Variants in CALN1 observed in about 807,000 individuals in gnomAD.
CALN1 encodes calneuron 1.
A neutral mutation model predicts 30.6 loss-of-function variants in CALN1; 17 were observed. That is an observed-to-expected ratio of 0.56 (90% CI 0.38 to 0.83). CALN1 has a LOEUF of 0.83. Among genes scored for constraint, CALN1 ranks in the 40% least tolerant of loss-of-function variants. CALN1 has a pLI of 0.00. For missense variants in CALN1, 291 were observed against 354.9 expected (o/e 0.82, Z 1.45); for synonymous variants, 156 against 131.4 (o/e 1.19, Z -1.28).
chr7:72,212,092 C>T (rs1034822275), intron 3 of CALN1, among the ~76,000 whole-genome samples: 2 of 152,058 alleles, frequency 1.3e-5, no homozygotes, highest in Non-Finnish European at 2.9e-5. Flanking sequence ...GTGACTCATG[C>T]CTGTAATCCC....
At chr7:72,406,054 C>T (rs1011098343) in intron 1 of CALN1, among the ~76,000 whole-genome samples, 1 of 152,208 alleles carries the variant, frequency 6.6e-6, no homozygotes, top group African/African-American at 2.4e-5. Flanking sequence ...ATCGCTCCTG[C>T]TGCTCAGCTG....
chr7:71,960,798 T>C (rs1381006725), intron 5 of CALN1, among the ~76,000 whole-genome samples: 2 of 152,124 alleles, frequency 1.3e-5, no homozygotes, highest in African/African-American at 4.8e-5. Context: ...GGTCGTGATA[T>C]TAAGACTTTT....
intron 2 of CALN1, among the ~76,000 whole-genome samples, chr7:72,397,983 G>A (rs540840165): frequency 3.9e-5 from 6 of 152,266 alleles, no homozygotes; most frequent in African/African-American, 1.2e-4. Flanking sequence ...CATCCTTTTA[G>A]GGCCGATGAG....
At chr7:71,915,970 A>G (rs1239592752) in intron 5 of CALN1, among the ~76,000 whole-genome samples, 1 of 152,184 alleles carries the variant, frequency 6.6e-6, no homozygotes, top group Admixed American at 6.5e-5. Flanking sequence ...CGTTTCTGGA[A>G]ATGACTTAGA....
chr7:72,496,092 T>G, the CALN1 span, among the ~76,000 whole-genome samples: 1 of 152,194 alleles, frequency 6.6e-6, no homozygotes, highest in African/African-American at 2.4e-5. Context: ...AGCTAATTTT[T>G]TGTATTTTTA....
intron 3 of CALN1, among the ~76,000 whole-genome samples, chr7:72,197,077 G>C (rs1287478550): frequency 1.3e-5 from 2 of 151,774 alleles, no homozygotes; most frequent in Non-Finnish European, 2.9e-5. Flanking sequence ...GAGTGAGTTT[G>C]GCCAGAAGTC....
intron 4 of CALN1, among the ~76,000 whole-genome samples, chr7:72,105,529 C>T (rs1186658393): frequency 1.3e-5 from 2 of 151,640 alleles, no homozygotes; most frequent in Non-Finnish European, 1.5e-5. Context: ...GGACCAAGAC[C>T]CTGGTCTTGG....
intron 2 of CALN1, among the ~76,000 whole-genome samples, chr7:72,387,064 T>C (rs998147276): frequency 2.0e-5 from 3 of 151,438 alleles, no homozygotes; most frequent in African/African-American, 7.3e-5. Flanking sequence ...GAGCTAACAG[T>C]TCCCAATGGC....
chr7:71,798,027 G>C, intron 6 of CALN1, among the ~76,000 whole-genome samples: 1 of 151,578 alleles, frequency 6.6e-6, no homozygotes, highest in East Asian at 2.0e-4. Flanking sequence ...AGGACAGAGA[G>C]AGGGAGAGGC....
chr7:72,368,664 T>C (rs1334233296), intron 2 of CALN1, among the ~76,000 whole-genome samples: 1 of 152,106 alleles, frequency 6.6e-6, no homozygotes, highest in African/African-American at 2.4e-5. Context: ...AAGTGATTGA[T>C]ACGCTTTCTC....
chr7:72,486,009 A>G, the CALN1 span, among the ~76,000 whole-genome samples: 2 of 152,106 alleles, frequency 1.3e-5, no homozygotes, highest in Non-Finnish European at 2.9e-5. Flanking sequence ...AGGCTATTTC[A>G]TCGTTATATG....
chr7:72,049,631 C>T lies in CALN1; in HGVS notation c.389-25862G>A, dbSNP rs186173134. Reference sequence around the variant, plus strand: ...CAAGCGATTCTCCTGCCTCAGCCTCCTGAGTAGCTGGGATTACAGGCATGC... The same window carrying T: ...CAAGCGATTCTCCTGCCTCAGCCTCTTGAGTAGCTGGGATTACAGGCATGC... On this transcript the variant is annotated intron_variant, in intron 4 of 6. Transcript: ENST00000395275. Among the ~76,000 whole-genome samples the T allele has an allele frequency of 1.5e-3, 227 of 151,592 alleles. 1 individual carries two copies. Among genetic ancestry groups the T allele is most frequent in the African/African-American group, 5.2e-3 (214 of 41,290 alleles).
intron 2 of CALN1, among the ~76,000 whole-genome samples, chr7:72,339,350 A>G (rs912480658): frequency 1.3e-5 from 2 of 152,120 alleles, no homozygotes; most frequent in Admixed American, 6.6e-5. Context: ...GGATTGCTGG[A>G]TCATATGCTC....
intron 3 of CALN1, among the ~76,000 whole-genome samples, chr7:72,242,725 T>C (rs1168120197): frequency 1.3e-5 from 2 of 151,944 alleles, no homozygotes; most frequent in East Asian, 1.9e-4. Context: ...CCATTTCTGC[T>C]AAAAATAAAA....
At chr7:71,981,586 G>A (rs550218681) in intron 5 of CALN1, among the ~76,000 whole-genome samples, 6 of 152,098 alleles carry the variant, frequency 3.9e-5, no homozygotes, top group East Asian at 3.9e-4. Context: ...CCTGGGAGGC[G>A]GAGGAGGTTA....
At chr7:71,944,111 C>T (rs565593464) in intron 5 of CALN1, among the ~76,000 whole-genome samples, 1 of 152,256 alleles carries the variant, frequency 6.6e-6, no homozygotes, top group South Asian at 2.1e-4. Context: ...CATCTTCCTT[C>T]TGAGAAGGAG....
chr7:72,406,235 G>A (rs1398111023), intron 1 of CALN1, among the ~76,000 whole-genome samples: 1 of 152,128 alleles, frequency 6.6e-6, no homozygotes, highest in Non-Finnish European at 1.5e-5. Context: ...TGCACAAGCC[G>A]GACTAACCAC....
intron 3 of CALN1, among the ~76,000 whole-genome samples, chr7:72,187,872 A>C (rs1199120337): frequency 3.9e-5 from 6 of 152,124 alleles, no homozygotes; most frequent in African/African-American, 1.4e-4. Context: ...ACAATTTCTC[A>C]TTTTCAAAAA....
chr7:72,140,497 C>T (rs1051939975), intron 3 of CALN1, among the ~76,000 whole-genome samples: 1 of 152,194 alleles, frequency 6.6e-6, no homozygotes, highest in Non-Finnish European at 1.5e-5. Context: ...CAGTGAGACC[C>T]ACTCAGAGGA....
Sources: allele counts gnomAD v4.1 joint callset (sites outside exome capture counted in the v4.1 genomes callset), GRCh38; gene constraint gnomAD v4.1.1; transcripts MANE v1.5; gene names NCBI Gene and HGNC (gene_info 2026-07-23, HGNC 2026-07-21).